Variants in SERINC5 observed in about 807,000 individuals in gnomAD.
The protein encoded by SERINC5 is serine incorporator 5.
A neutral mutation model predicts 63.1 loss-of-function variants in SERINC5; 41 were observed. The ratio of observed to expected loss-of-function variants is 0.65; its 90% CI spans 0.51 to 0.84. The LOEUF is 0.84. SERINC5 is among the 40% of genes least tolerant of loss of function. The pLI, the probability that SERINC5 is intolerant of heterozygous loss-of-function variation, is 0.00. For synonymous variants in SERINC5, 222 were observed against 215.2 expected, an observed-to-expected ratio of 1.03 and a Z score of -0.28; for missense variants, 523 against 573.0, an observed-to-expected ratio of 0.91 and a Z score of 0.89.
chr5:80,141,693 C>G lies in SERINC5; in HGVS notation c.*1970G>C. ...CCACTCCCTGAGCCCATTCCTGGCCCACGGAACTCCTGTCCCCTAACTGAT... is the reference window on the plus strand; with the variant it reads ...CCACTCCCTGAGCCCATTCCTGGCCGACGGAACTCCTGTCCCCTAACTGAT... On this transcript the variant is annotated 3_prime_UTR_variant, in exon 12 of 12. Coordinates refer to ENST00000507668, the MANE Select transcript of SERINC5 (RefSeq NM_001174072.3). The G allele has an allele frequency of 7.1e-6, 7 of 985,600 alleles. No individual in the cohort carries two copies. Among genetic ancestry groups the G allele is most frequent in the Non-Finnish European group, 8.4e-6 (7 of 830,032 alleles). The allele number at this position is 985,600 out of a possible 1,614,324, so 61.1% of individuals were successfully genotyped here. A position where few individuals can be genotyped will look rare whatever the true frequency, so the allele number is the denominator to read the frequency against.
At chr5:80,191,478 A>C (rs552169883) in intron 2 of SERINC5, among the ~76,000 whole-genome samples, 196 of 120,774 alleles carry the variant, frequency 1.6e-3, no homozygotes, top group Non-Finnish European at 2.8e-3. Context: ...CTCCATCTCT[A>C]CAAAAAAAAA....
chr5:80,137,158 AAAAAAC>A (rs1484329469), downstream of SERINC5, among the ~76,000 whole-genome samples: 769 of 104,672 alleles, frequency 7.3e-3, 22 homozygotes, highest in African/African-American at 0.023. Flanking sequence ...AAAAAAAAAA[AAAAAAC>A]AAAAAAAACA....
intron 11 of SERINC5, among the ~76,000 whole-genome samples, chr5:80,118,436 T>A (rs1744415750): frequency 6.6e-6 from 1 of 152,146 alleles, no homozygotes; most frequent in Admixed American, 6.6e-5. Context: ...GGCTTGGAAG[T>A]CCAAGATCAA....
At chr5:80,230,824 CTCTTTCTTTCTG>C (rs1751409755) in intron 1 of SERINC5, among the ~76,000 whole-genome samples, 1 of 151,956 alleles carries the variant, frequency 6.6e-6, no homozygotes. Context: ...CTTTCTTTCT[CTCTTTCTTTCTG>C]ACAGTATTCT....
In SERINC5 at chr5:80,133,648, T is replaced by A. The variant is rs372588597; in HGVS notation, c.1238+12442A>T. On this transcript the variant is annotated intron_variant, in intron 11 of 12. Transcript: ENST00000509193. ...AAAACTTGGAGGCAAAGAACAAATC[T>A]AAGATGCTGTAACCGCCCAACGAAT... 1.1e-4 allele frequency among the ~76,000 whole-genome samples: 17 copies of A among 152,352 alleles called. No individual in the cohort carries two copies. In the South Asian group the frequency reaches 3.5e-3, roughly 32 times the overall value.
chr5:80,147,380 C>G, intron 9 of SERINC5, 96 bp from the exon 10 acceptor site: 1 of 1,272,498 alleles, frequency 7.9e-7, no homozygotes, highest in Non-Finnish European at 1.1e-6. Context: ...ACCTCCCAGG[C>G]CCTTCAAAAG....
chr5:80,117,227 T>G (rs1423994010), intron 11 of SERINC5, among the ~76,000 whole-genome samples: 1 of 152,082 alleles, frequency 6.6e-6, no homozygotes, highest in African/African-American at 2.4e-5. Flanking sequence ...TAAGACACAC[T>G]TGAGTTCTGG....
rs371577336 is a variant in SERINC5, at chr5:80,175,025, G to T, written c.480C>A (p.Val160=). 1.3e-6 allele frequency: 2 copies of T among 1,598,992 alleles called. No individual in the cohort carries two copies. Among genetic ancestry groups the T allele is most frequent in the East Asian group, 4.5e-5 (2 of 44,240 alleles). Reference sequence around the variant, plus strand: ...GGATGCCAATGAAGAGGAAGCCTCCGACGGCTCCCACATAGCGCCAGGCTG... The same window carrying T: ...GGATGCCAATGAAGAGGAAGCCTCCTACGGCTCCCACATAGCGCCAGGCTG... ...FLNAWRYVGA[V]GGFLFIGIQL... The change falls in exon 5 of 12, where the codon GTC becomes GTA. Residue 160 remains valine, a synonymous_variant. Transcript: ENST00000507668.
At chr5:80,213,261 A>G (rs1367678823) in intron 1 of SERINC5, among the ~76,000 whole-genome samples, 1 of 141,674 alleles carries the variant, frequency 7.1e-6, no homozygotes, top group Non-Finnish European at 1.6e-5. Flanking sequence ...AAGAAAAAAG[A>G]AAGCTAAAGC....
intron 11 of SERINC5, among the ~76,000 whole-genome samples, chr5:80,144,316 C>A (rs981991240): frequency 1.3e-5 from 2 of 152,154 alleles, no homozygotes; most frequent in Non-Finnish European, 2.9e-5. Context: ...TGTATGAACA[C>A]CGCTGTGTAA....
At chr5:80,162,830 T>C (rs1242172274) in intron 7 of SERINC5, among the ~76,000 whole-genome samples, 1 of 150,888 alleles carries the variant, frequency 6.6e-6, no homozygotes, top group Non-Finnish European at 1.5e-5. Flanking sequence ...TACTGGTGTA[T>C]AGAAACACTA....
intron 1 of SERINC5, among the ~76,000 whole-genome samples, chr5:80,244,647 C>T (rs1203524060): frequency 2.0e-5 from 3 of 151,696 alleles, no homozygotes; most frequent in African/African-American, 7.3e-5. Context: ...ATGAAGGAAC[C>T]CCATCTCTAC....
At chr5:80,120,071 G>C (rs556942250) in intron 11 of SERINC5, among the ~76,000 whole-genome samples, 17 of 152,264 alleles carry the variant, frequency 1.1e-4, no homozygotes, top group African/African-American at 3.6e-4. Context: ...TTCTATAAAG[G>C]GGGGGCTATA....
intron 1 of SERINC5, among the ~76,000 whole-genome samples, chr5:80,213,574 A>G (rs981936525): frequency 2.0e-5 from 3 of 152,212 alleles, no homozygotes; most frequent in African/African-American, 7.2e-5. Flanking sequence ...GGAGGGAGAC[A>G]GGCTACACTG....
intron 1 of SERINC5, among the ~76,000 whole-genome samples, chr5:80,231,759 T>G (rs951484287): frequency 3.3e-5 from 5 of 152,132 alleles, no homozygotes; most frequent in Non-Finnish European, 5.9e-5. Flanking sequence ...GATATTCAAA[T>G]GCAAAACAAT....
intron 12 of SERINC5, among the ~76,000 whole-genome samples, chr5:80,112,948 AGT>A (rs1744178703): frequency 6.6e-6 from 1 of 152,162 alleles, no homozygotes; most frequent in Non-Finnish European, 1.5e-5. Flanking sequence ...TGGACAATAA[AGT>A]GAGACCGTGT....
intron 7 of SERINC5, among the ~76,000 whole-genome samples, chr5:80,165,076 T>TA (rs1747199650): frequency 6.6e-6 from 1 of 151,922 alleles, no homozygotes; most frequent in African/African-American, 2.4e-5. Context: ...ACCTGCCATT[T>TA]AAAAAATATT....
At chr5:80,173,095 A>C (rs991205511) in intron 5 of SERINC5, among the ~76,000 whole-genome samples, 1 of 152,000 alleles carries the variant, frequency 6.6e-6, no homozygotes. Context: ...TCCCAACCTC[A>C]GAAAACAGCA....
chr5:80,132,144 A>G (rs2112257952), intron 11 of SERINC5, among the ~76,000 whole-genome samples: 1 of 152,268 alleles, frequency 6.6e-6, no homozygotes, highest in East Asian at 1.9e-4. Context: ...TTCACCCCCA[A>G]ACCATGAGCA....
Sources: allele counts gnomAD v4.1 joint callset (sites outside exome capture counted in the v4.1 genomes callset), GRCh38; gene constraint gnomAD v4.1.1; transcripts MANE v1.5; gene names NCBI Gene and HGNC (gene_info 2026-07-23, HGNC 2026-07-21).